Variants in ADGRA3 observed in about 807,000 individuals in gnomAD.
ADGRA3 encodes the protein G-protein coupled receptor 125.
In ADGRA3, 56 loss-of-function variants were observed where a neutral mutation model predicts 119.8. The ratio of observed to expected loss-of-function variants is 0.47; its 90% CI spans 0.38 to 0.58. The LOEUF is 0.58. Among genes scored for constraint, ADGRA3 ranks in the 20% least tolerant of loss-of-function variants. ADGRA3 has a pLI of 0.00. For synonymous variants in ADGRA3, 607 were observed against 623.8 expected (o/e 0.97, Z 0.40); for missense variants, 1,516 against 1,649.0 (o/e 0.92, Z 1.40).
At chr4:22,481,239 T>C (rs1718251693) in intron 1 of ADGRA3, among the ~76,000 whole-genome samples, 1 of 152,140 alleles carries the variant, frequency 6.6e-6, no homozygotes, top group Non-Finnish European at 1.5e-5. Context: ...TAACTTCAAT[T>C]GGTACACATC....
chr4:22,460,085 T>C (rs916723424), intron 3 of ADGRA3, among the ~76,000 whole-genome samples: 1 of 152,212 alleles, frequency 6.6e-6, no homozygotes, highest in Non-Finnish European at 1.5e-5. Flanking sequence ...AAGGCCTTTT[T>C]AATACATATT....
At chr4:22,511,934 TC>T (rs1263621227) in intron 1 of ADGRA3, among the ~76,000 whole-genome samples, 1 of 142,704 alleles carries the variant, frequency 7.0e-6, no homozygotes, top group Non-Finnish European at 1.5e-5. Context: ...TCTCACTCTG[TC>T]ACCCAGGCTG....
chr4:22,468,679 G>A (rs1042749821), intron 2 of ADGRA3, among the ~76,000 whole-genome samples: 7 of 151,486 alleles, frequency 4.6e-5, no homozygotes, highest in Admixed American at 1.3e-4. Context: ...TGAGACAGGA[G>A]AATCGCTTGA....
chr4:22,452,108 T>C (rs967733065), intron 4 of ADGRA3, among the ~76,000 whole-genome samples: 3 of 152,174 alleles, frequency 2.0e-5, no homozygotes, highest in African/African-American at 4.8e-5. Context: ...CAACACAATG[T>C]TGAATGGTAA....
chr4:22,413,347 T>C lies in ADGRA3; in HGVS notation c.2067A>G (p.Thr689=), dbSNP rs746315636. ...VDTHHIPVNV[T]LRRIAHGADA... is the part of the protein sequence containing the mutation. ...CTGCTCCATGTGCAATTCGACGCAG[T>C]GTCACATTAACAGGGATGTGGTGGG... Residue 689 remains threonine (T), a synonymous_variant, in exon 14 of 19, where the codon ACA becomes ACG. Transcript: ENST00000334304. The C allele has an allele frequency of 9.9e-6, 16 of 1,614,128 alleles. No homozygotes were observed. The highest frequency in any genetic ancestry group is 5.5e-5 in the South Asian group (5 of 91,086).
chr4:22,446,265 C>A (rs1716824760), intron 5 of ADGRA3, among the ~76,000 whole-genome samples: 1 of 152,130 alleles, frequency 6.6e-6, no homozygotes, highest in South Asian at 2.1e-4. Flanking sequence ...TCCTAAGCAC[C>A]ACTTTATGGT....
intron 1 of ADGRA3, among the ~76,000 whole-genome samples, chr4:22,496,280 A>G (rs917007438): frequency 6.6e-6 from 1 of 152,140 alleles, no homozygotes; most frequent in Non-Finnish European, 1.5e-5. Context: ...TCACTTAAGT[A>G]TGGGTGACCT....
At chr4:22,453,416 G>C (rs1717131116) in intron 4 of ADGRA3, among the ~76,000 whole-genome samples, 1 of 151,948 alleles carries the variant, frequency 6.6e-6, no homozygotes, top group Admixed American at 6.6e-5. Flanking sequence ...AAAACAAAAG[G>C]ACACACTGAA....
chr4:22,423,324 C>T (rs1404916375), intron 11 of ADGRA3, among the ~76,000 whole-genome samples: 2 of 151,760 alleles, frequency 1.3e-5, no homozygotes, highest in African/African-American at 4.8e-5. Flanking sequence ...GCAAAGGGAG[C>T]AATAAAACAT....
At chr4:22,465,451 C>G (rs1348613825) in intron 2 of ADGRA3, among the ~76,000 whole-genome samples, 1 of 152,156 alleles carries the variant, frequency 6.6e-6, no homozygotes, top group Non-Finnish European at 1.5e-5. Flanking sequence ...AGATCTGAGT[C>G]TGGAGCTGCT....
chr4:22,478,321 G>C (rs1718126250), intron 1 of ADGRA3: 2 of 152,184 alleles, frequency 1.3e-5, no homozygotes, highest in Non-Finnish European at 2.9e-5. Context: ...TAAAAATTAA[G>C]TAGTTTTAGA....
chr4:22,389,362 G>GT (rs1714011442), intron 17 of ADGRA3, among the ~76,000 whole-genome samples, 179 bp from the exon 18 acceptor site: 1 of 152,070 alleles, frequency 6.6e-6, no homozygotes, highest in South Asian at 2.1e-4. Flanking sequence ...TTTTTATTTT[G>GT]TTTTTTAGAT....
intron 1 of ADGRA3, among the ~76,000 whole-genome samples, chr4:22,499,313 A>G (rs1718967729): frequency 6.6e-6 from 1 of 152,248 alleles, no homozygotes. Flanking sequence ...TTAAAGAATC[A>G]GTAAAGACAG....
intron 4 of ADGRA3, among the ~76,000 whole-genome samples, chr4:22,452,894 G>A (rs888964132): frequency 2.0e-5 from 3 of 151,818 alleles, no homozygotes; most frequent in South Asian, 2.1e-4. Context: ...CAATTCTAAC[G>A]CAGTCCTCTA....
At chr4:22,433,850 G>A (rs943462477) in intron 10 of ADGRA3, among the ~76,000 whole-genome samples, 9 of 152,120 alleles carry the variant, frequency 5.9e-5, no homozygotes, top group African/African-American at 2.2e-4. Flanking sequence ...CCAGTGCAAG[G>A]AAAATTCACT....
Position 22,467,651 on chromosome 4 carries a change from TTTTC to T in ADGRA3, c.330-5847_330-5844del, listed in dbSNP as rs550233001. Among the ~76,000 whole-genome samples, 281 of 152,304 alleles carry T rather than the reference TTTTC, an allele frequency of 1.8e-3. 1 individual carries two copies. Among genetic ancestry groups the T allele is most frequent in the African/African-American group, 6.6e-3 (274 of 41,576 alleles). On this transcript the variant is annotated intron_variant, in intron 2 of 18. Coordinates refer to ENST00000334304, the MANE Select transcript of ADGRA3 (RefSeq NM_145290.4). ...CTGTAATATGATTTAAAGATGTACG[TTTTC>T]TTTAATAAAAAATTCTTGACATATT...
intron 3 of ADGRA3, among the ~76,000 whole-genome samples, chr4:22,458,615 C>A (rs1032533045): frequency 6.6e-6 from 1 of 152,102 alleles, no homozygotes; most frequent in African/African-American, 2.4e-5. Context: ...GAACTGACAC[C>A]GATCACCACC....
chr4:22,413,753 C>G lies in ADGRA3; in HGVS notation c.1871G>C (p.Arg624Thr). 6.2e-7 allele frequency: 1 copy of G among 1,613,824 alleles called. No individual in the cohort carries two copies. The highest frequency in any genetic ancestry group is 8.5e-7 in the Non-Finnish European group (1 of 1,179,892). Residue 624 changes from arginine to threonine, a missense_variant, in exon 13 of 19, where the codon AGA becomes ACA. Transcript: ENST00000334304. Reference sequence around the variant, plus strand: ...AGAGTCATCAGTTGGTCTGAGTTCTCTTTTTTGCTTTGGTGAGAAAAGGGA... The same window carrying G: ...AGAGTCATCAGTTGGTCTGAGTTCTGTTTTTTGCTTTGGTGAGAAAAGGGA... ...PPSLFSPKQKRELRPTDDSLY... is the reference protein window; with the variant it reads ...PPSLFSPKQKTELRPTDDSLY...
rs1560316878 is a variant in ADGRA3 at position 22,438,255 on chromosome 4, C to A, written c.1085+1G>T. Reference sequence around the variant, plus strand: ...TTCCCCGTATTTTCCACAACACTGACCTGAAGTCACCTTTGTTGTTTACCA... The same window carrying A: ...TTCCCCGTATTTTCCACAACACTGAACTGAAGTCACCTTTGTTGTTTACCA... On this transcript the variant is annotated splice_donor_variant, in intron 8 of 18. Transcript: ENST00000334304. LOFTEE classifies it high-confidence loss of function. 1 of 1,609,598 alleles carries A rather than the reference C, an allele frequency of 6.2e-7. No individual in the cohort carries two copies. The highest frequency in any genetic ancestry group is 8.5e-7 in the Non-Finnish European group (1 of 1,177,890).
Sources: gnomAD v4.1 joint callset for allele counts (sites outside exome capture counted in the v4.1 genomes callset) on GRCh38, gnomAD v4.1.1 for gene constraint, MANE v1.5 for transcripts, NCBI Gene and HGNC (gene_info 2026-07-23, HGNC 2026-07-21) for gene names.